Variants in MTA3 observed in about 807,000 individuals in gnomAD.
MTA3 encodes the protein metastasis-associated protein MTA3.
A neutral mutation model predicts 83.5 loss-of-function variants in MTA3; 34 were observed. The ratio of observed to expected loss-of-function variants is 0.41; its 90% CI spans 0.31 to 0.54. The LOEUF (loss-of-function observed/expected upper bound fraction) is 0.54. MTA3 is among the 20% of genes least tolerant of loss of function. MTA3 has a pLI of 0.33. For missense variants in MTA3, 761 were observed against 726.4 expected (o/e 1.05, Z -0.55); for synonymous variants, 303 against 252.7 (o/e 1.20, Z -1.89).
At chr2:42,585,346 C>A (rs561693938) in intron 3 of MTA3, among the ~76,000 whole-genome samples, 203 of 152,142 alleles carry the variant, frequency 1.3e-3, no homozygotes, top group Middle Eastern at 6.8e-3. Flanking sequence ...CCTCGGCCTC[C>A]CAAAGTGCTG....
At chr2:42,663,867 T>G (rs1689967653) in intron 8 of MTA3, among the ~76,000 whole-genome samples, 1 of 152,240 alleles carries the variant, frequency 6.6e-6, no homozygotes, top group Non-Finnish European at 1.5e-5. Context: ...GTTTCCATTC[T>G]GAAGCTTAGT....
At chr2:42,667,033 G>T (rs1455762692) in intron 8 of MTA3, among the ~76,000 whole-genome samples, 1 of 152,104 alleles carries the variant, frequency 6.6e-6, no homozygotes, top group Non-Finnish European at 1.5e-5. Context: ...TGAACACTAT[G>T]AACTGTAGGA....
At chr2:42,604,565 G>A (rs1682994071) in intron 3 of MTA3, among the ~76,000 whole-genome samples, 1 of 82,474 alleles carries the variant, frequency 1.2e-5, no homozygotes, top group Non-Finnish European at 2.2e-5. Context: ...TGCTCTGAAT[G>A]TTTCTTTTCT....
At chr2:42,524,076 TG>T (rs558119788) in intron 2 of MTA3, among the ~76,000 whole-genome samples, 2 of 151,990 alleles carry the variant, frequency 1.3e-5, no homozygotes, top group Non-Finnish European at 2.9e-5. Flanking sequence ...TGCCATGACC[TG>T]GGGGGGCCAT....
intron 3 of MTA3, among the ~76,000 whole-genome samples, chr2:42,604,218 C>G (rs375795228): frequency 6.6e-6 from 1 of 151,678 alleles, no homozygotes; most frequent in Non-Finnish European, 1.5e-5. Context: ...ATATTTTGTA[C>G]TTTTAGTAGA....
intron 3 of MTA3, among the ~76,000 whole-genome samples, chr2:42,598,308 A>G (rs1429248586): frequency 1.4e-5 from 2 of 143,444 alleles, no homozygotes; most frequent in Non-Finnish European, 3.1e-5. Flanking sequence ...CTCGTGATCC[A>G]CCCGCCTCGG....
At chr2:42,608,618 C>T (rs921459213) in intron 3 of MTA3, among the ~76,000 whole-genome samples, 3 of 152,174 alleles carry the variant, frequency 2.0e-5, no homozygotes, top group Non-Finnish European at 4.4e-5. Context: ...TGTGGTGGCT[C>T]ATGCCTGTAA....
intron 2 of MTA3, among the ~76,000 whole-genome samples, chr2:42,502,871 G>A (rs1218051903): frequency 6.6e-6 from 1 of 151,388 alleles, no homozygotes; most frequent in Non-Finnish European, 1.5e-5. Flanking sequence ...GCTGAGGCAG[G>A]AGAATCACTT....
chr2:42,662,353 G>T (rs537285477), intron 8 of MTA3, among the ~76,000 whole-genome samples: 1 of 151,422 alleles, frequency 6.6e-6, no homozygotes, highest in Non-Finnish European at 1.5e-5. Context: ...TATATTTCTT[G>T]TGTCTTGTTT....
At chr2:42,715,433 G>A (rs1340140494) in intron 14 of MTA3, among the ~76,000 whole-genome samples, 4 of 102,400 alleles carry the variant, frequency 3.9e-5, no homozygotes, top group Non-Finnish European at 7.5e-5. Context: ...TTTTTTTTGA[G>A]ACAGGGTCTT....
intron 3 of MTA3, among the ~76,000 whole-genome samples, chr2:42,600,525 T>G (rs1156567897): frequency 4.6e-5 from 7 of 151,896 alleles, no homozygotes; most frequent in Non-Finnish European, 7.4e-5. Context: ...TGCATCCCCT[T>G]TCCCATTCAG....
intron 14 of MTA3, among the ~76,000 whole-genome samples, 186 bp from the exon 15 acceptor site, chr2:42,718,802 T>G (rs1667211968): frequency 6.6e-6 from 1 of 152,166 alleles, no homozygotes; most frequent in South Asian, 2.1e-4. Context: ...TTATTTTATG[T>G]AAATCCCATT....
chr2:42,591,984 C>T (rs1681060400), intron 3 of MTA3, among the ~76,000 whole-genome samples: 1 of 151,146 alleles, frequency 6.6e-6, no homozygotes, highest in African/African-American at 2.4e-5. Context: ...ATTCATTTGG[C>T]CAGGTGTAGT....
intron 3 of MTA3, among the ~76,000 whole-genome samples, chr2:42,602,060 C>T (rs1266249410): frequency 6.6e-6 from 1 of 152,154 alleles, no homozygotes; most frequent in Non-Finnish European, 1.5e-5. Context: ...AGGCTGGTCT[C>T]GAACTCCTGA....
intron 9 of MTA3, among the ~76,000 whole-genome samples, chr2:42,688,331 G>A (rs1434411261): frequency 6.6e-6 from 1 of 152,134 alleles, no homozygotes; most frequent in Non-Finnish European, 1.5e-5. Context: ...TGATGCTCTT[G>A]CCTTGACCTC....
At chr2:42,694,423 A>C (rs1693192299) in intron 9 of MTA3, among the ~76,000 whole-genome samples, 1 of 151,810 alleles carries the variant, frequency 6.6e-6, no homozygotes, top group Non-Finnish European at 1.5e-5. Flanking sequence ...TTGTTGAGAA[A>C]CTCAAGTTCC....
chr2:42,696,070 A>G (rs1693363713), intron 10 of MTA3, among the ~76,000 whole-genome samples: 1 of 152,078 alleles, frequency 6.6e-6, no homozygotes, highest in African/African-American at 2.4e-5. Context: ...ACCACTAGAG[A>G]GGCATTATTT....
chr2:42,588,959 C>T (rs1224565217), intron 3 of MTA3, among the ~76,000 whole-genome samples: 3 of 152,106 alleles, frequency 2.0e-5, no homozygotes, highest in Admixed American at 1.3e-4. Context: ...ATTTCTTCTT[C>T]AGGGAAGCCT....
At position 42,664,468 on chromosome 2, in the gene MTA3, T is replaced by A. The variant is rs1244795817; in HGVS notation, c.702+4606T>A. On this transcript the variant is annotated intron_variant, in intron 8 of 16. Coordinates refer to ENST00000405094, the MANE Select transcript of MTA3 (RefSeq NM_001330442.2). ...TACTACCCCCTCACCCCGCTTACCT[T>A]TTTTTTTTTTTTTTTTTTTTTTTTT... Among the ~76,000 whole-genome samples the A allele has an allele frequency of 6.0e-5, 2 of 33,598 alleles. 1 individual carries two copies. The highest frequency in any genetic ancestry group is 1.1e-4 in the Non-Finnish European group (2 of 18,728). 22.0% of individuals were successfully genotyped at this position (33,598 alleles called of 152,430 possible). A position where few individuals can be genotyped will look rare whatever the true frequency, so the allele number is the denominator to read the frequency against.
Sources: gnomAD v4.1 joint callset for allele counts (sites outside exome capture counted in the v4.1 genomes callset) on GRCh38, gnomAD v4.1.1 for gene constraint, MANE v1.5 for transcripts, NCBI Gene and HGNC (gene_info 2026-07-23, HGNC 2026-07-21) for gene names.